Variants in CHKA observed in about 807,000 individuals in gnomAD.
CHKA encodes the protein choline kinase alpha.
A neutral mutation model predicts 60.1 loss-of-function variants in CHKA; 34 were observed. The observed-to-expected ratio is 0.57, with a 90% CI of 0.43 to 0.75. The LOEUF is 0.75. Ranked by LOEUF, CHKA falls within the 30% of genes least tolerant of loss-of-function variation. The pLI is 0.00. For missense variants in CHKA, 563 were observed against 561.3 expected (o/e 1.00, Z -0.03); for synonymous variants, 217 against 223.1 (o/e 0.97, Z 0.24).
intron 2 of CHKA, among the ~76,000 whole-genome samples, chr11:68,096,534 CTG>C (rs1358736376): frequency 7.2e-5 from 11 of 152,106 alleles, no homozygotes; most frequent in Admixed American, 5.2e-4. Context: ...AAGATTATGA[CTG>C]TAACAAACAA....
intron 4 of CHKA, among the ~76,000 whole-genome samples, chr11:68,073,807 T>TG (rs1271511573): frequency 2.0e-5 from 3 of 152,198 alleles, no homozygotes; most frequent in Admixed American, 6.5e-5. Context: ...GCCCTGGACA[T>TG]GCCCAGGCCT....
chr11:68,068,237 C>A (rs1319097368), intron 7 of CHKA, among the ~76,000 whole-genome samples: 1 of 151,964 alleles, frequency 6.6e-6, no homozygotes, highest in Non-Finnish European at 1.5e-5. Flanking sequence ...GGGGGAAGGG[C>A]CCGGGACTCA....
At chr11:68,073,255 TAC>T (rs1479224016) in intron 4 of CHKA, among the ~76,000 whole-genome samples, 1 of 152,356 alleles carries the variant, frequency 6.6e-6, no homozygotes, top group South Asian at 2.1e-4. Flanking sequence ...TGATACTACT[TAC>T]AGTCTCCTGC....
chr11:68,057,413 G>T (rs1856063307), intron 11 of CHKA, among the ~76,000 whole-genome samples: 1 of 152,014 alleles, frequency 6.6e-6, no homozygotes. Context: ...TCCACCTCCC[G>T]AGTTCACACC....
chr11:68,078,049 C>T (rs1288086984), intron 3 of CHKA, among the ~76,000 whole-genome samples: 2 of 152,074 alleles, frequency 1.3e-5, no homozygotes, highest in Admixed American at 6.6e-5. Flanking sequence ...TGGGTTCGAT[C>T]CCCTGGGGAC....
intron 1 of CHKA, among the ~76,000 whole-genome samples, chr11:68,120,549 T>G (rs1428197766): frequency 6.6e-6 from 1 of 152,258 alleles, no homozygotes; most frequent in East Asian, 1.9e-4. Context: ...AACGGTATTG[T>G]TCTCCTAGAA....
chr11:68,064,047 C>A (rs866544913), intron 10 of CHKA, among the ~76,000 whole-genome samples: 10 of 152,218 alleles, frequency 6.6e-5, no homozygotes, highest in Non-Finnish European at 1.5e-4. Flanking sequence ...TGCATAGTCT[C>A]GGCCACAATG....
intron 2 of CHKA, among the ~76,000 whole-genome samples, chr11:68,094,496 G>A (rs1175934801): frequency 6.6e-6 from 1 of 152,188 alleles, no homozygotes. Context: ...AGCCATGGTT[G>A]TGCCACTACA....
chr11:68,106,764 C>G (rs1857930005), intron 1 of CHKA, among the ~76,000 whole-genome samples: 1 of 152,106 alleles, frequency 6.6e-6, no homozygotes, highest in African/African-American at 2.4e-5. Context: ...TAAGAGGATG[C>G]CAGAAGGAAG....
intron 1 of CHKA, among the ~76,000 whole-genome samples, chr11:68,098,271 C>CAAAAAAAAAA (rs57972693): frequency 8.3e-6 from 1 of 120,714 alleles, no homozygotes. Flanking sequence ...ACTCCTATCT[C>CAAAAAAAAAA]AAAAAAAAAA....
At chr11:68,091,294 T>C (rs561417846) in intron 2 of CHKA, among the ~76,000 whole-genome samples, 3 of 152,294 alleles carry the variant, frequency 2.0e-5, no homozygotes, top group African/African-American at 7.2e-5. Context: ...CTAATGAAAA[T>C]AATCTCATTT....
At chr11:68,074,862 CTGAG>C in intron 3 of CHKA, 32 bp from the exon 4 acceptor site, 1 of 1,604,134 alleles carries the variant, frequency 6.2e-7, no homozygotes, top group Non-Finnish European at 8.5e-7. Flanking sequence ...CAGGTGTTTA[CTGAG>C]TGTTTGCTAA....
rs964955011 is a variant in CHKA, at chr11:68,053,539, C to G, written c.*449G>C. 3 of 156,578 alleles carry G rather than the reference C, an allele frequency of 1.9e-5. No individual in the cohort carries two copies. The highest frequency in any genetic ancestry group is 7.2e-5 in the African/African-American group (3 of 41,498). 9.7% of individuals were successfully genotyped at this position (156,578 alleles called of 1,614,324 possible). On this transcript the variant is annotated 3_prime_UTR_variant, in exon 12 of 12. Coordinates refer to ENST00000265689, the MANE Select transcript of CHKA (RefSeq NM_001277.3). ...GTACATCTCTGCTCACTTGCTGTCCCTTGGGAGTGAGCACCGTCTATAACA... is the reference window on the plus strand; with the variant it reads ...GTACATCTCTGCTCACTTGCTGTCCGTTGGGAGTGAGCACCGTCTATAACA...
intron 11 of CHKA, among the ~76,000 whole-genome samples, chr11:68,059,615 T>C (rs1428975552): frequency 1.3e-5 from 2 of 152,236 alleles, no homozygotes; most frequent in Non-Finnish European, 2.9e-5. Context: ...CAGTTTAAAA[T>C]ATTTTCTCAT....
intron 8 of CHKA, among the ~76,000 whole-genome samples, chr11:68,066,097 T>C (rs1039086034): frequency 1.3e-5 from 2 of 152,198 alleles, no homozygotes; most frequent in Non-Finnish European, 2.9e-5. Flanking sequence ...ACTAAAGCTA[T>C]ACAGGTGCAC....
At chr11:68,083,498 G>A (rs891238262) in intron 2 of CHKA, among the ~76,000 whole-genome samples, 1 of 152,104 alleles carries the variant, frequency 6.6e-6, no homozygotes, top group East Asian at 1.9e-4. Context: ...AAATGACTAT[G>A]GTTATTCCTA....
At chr11:68,083,941 C>T (rs937572766) in intron 2 of CHKA, among the ~76,000 whole-genome samples, 1 of 151,762 alleles carries the variant, frequency 6.6e-6, no homozygotes, top group Non-Finnish European at 1.5e-5. Flanking sequence ...TCCAGGAAGA[C>T]AGGAAGTTAA....
intron 1 of CHKA, among the ~76,000 whole-genome samples, chr11:68,107,113 G>A (rs767564770): frequency 4.6e-5 from 7 of 152,076 alleles, no homozygotes; most frequent in South Asian, 4.2e-4. Flanking sequence ...TTAGCCGGGC[G>A]CAGTGGCAGG....
chr11:68,081,741 T>C (rs954926488), intron 2 of CHKA: 5 of 274,166 alleles, frequency 1.8e-5, no homozygotes, highest in African/African-American at 1.1e-4. Context: ...CACAATTTCA[T>C]TGTTAGAGGA....
Sources: gnomAD v4.1 joint callset for allele counts (sites outside exome capture counted in the v4.1 genomes callset) on GRCh38, gnomAD v4.1.1 for gene constraint, MANE v1.5 for transcripts, NCBI Gene and HGNC (gene_info 2026-07-23, HGNC 2026-07-21) for gene names.